Variants in GARNL3 observed in about 807,000 individuals in gnomAD.
GARNL3 encodes the protein GTPase-activating Rap/Ran-GAP domain-like protein 3.
In GARNL3, 63 loss-of-function variants were observed where a neutral mutation model predicts 125.0. The ratio of observed to expected loss-of-function variants is 0.50; its 90% confidence interval spans 0.41 to 0.62. GARNL3 has a LOEUF of 0.62. GARNL3 is among the 20% of genes least tolerant of loss of function. The pLI, the probability that GARNL3 is intolerant of heterozygous loss-of-function variation, is 0.00. For missense variants in GARNL3, 994 were observed against 1,244.0 expected, an observed-to-expected ratio of 0.80 and a Z score of 3.02; for synonymous variants, 439 against 457.5, an observed-to-expected ratio of 0.96 and a Z score of 0.52.
chr9:127,296,439 T>C (rs892804068), intron 2 of GARNL3, among the ~76,000 whole-genome samples: 3 of 150,476 alleles, frequency 2.0e-5, no homozygotes, highest in Non-Finnish European at 4.4e-5. Context: ...GGGGTTTATA[T>C]AGAGGTTTCA....
chr9:127,342,177 A>C, intron 13 of GARNL3, 42 bp from the exon 14 acceptor site: 6 of 1,118,346 alleles, frequency 5.4e-6, no homozygotes, highest in Non-Finnish European at 8.2e-6. Context: ...GTGTGTGTCA[A>C]GAGATATCTT....
chr9:127,321,808 G>C (rs2065413149), intron 6 of GARNL3, among the ~76,000 whole-genome samples: 1 of 152,196 alleles, frequency 6.6e-6, no homozygotes, highest in Non-Finnish European at 1.5e-5. Flanking sequence ...TATCCAGGAG[G>C]CAGCAGGGAG....
intron 1 of GARNL3, among the ~76,000 whole-genome samples, chr9:127,279,784 T>C (rs1448888760): frequency 6.6e-6 from 1 of 152,232 alleles, no homozygotes; most frequent in Non-Finnish European, 1.5e-5. Context: ...TTTGTTTTAC[T>C]TCAAACAAAA....
intron 1 of GARNL3, among the ~76,000 whole-genome samples, chr9:127,275,561 G>A (rs1198110907): frequency 1.3e-5 from 2 of 152,204 alleles, no homozygotes; most frequent in Admixed American, 1.3e-4. Context: ...CCATTCCATG[G>A]GTTAGAAGAG....
At chr9:127,369,285 G>A (rs2131742422) in intron 22 of GARNL3, among the ~76,000 whole-genome samples, 1 of 152,322 alleles carries the variant, frequency 6.6e-6, no homozygotes, top group South Asian at 2.1e-4. Flanking sequence ...GAGCAAGTTT[G>A]AGGAAAAGCT....
chr9:127,380,562 TC>T (rs1190042623), intron 22 of GARNL3, among the ~76,000 whole-genome samples: 1 of 152,080 alleles, frequency 6.6e-6, no homozygotes, highest in Non-Finnish European at 1.5e-5. Context: ...GGTAAGTAGA[TC>T]AACAAAATGT....
chr9:127,253,454 A>G (rs912495566), intron 2 of GARNL3, among the ~76,000 whole-genome samples: 5 of 152,210 alleles, frequency 3.3e-5, no homozygotes, highest in Non-Finnish European at 7.3e-5. Context: ...ACCAGATAGT[A>G]TGTTAGGTGC....
chr9:127,258,152 C>T (rs1004760826), intron 2 of GARNL3, among the ~76,000 whole-genome samples: 2 of 151,976 alleles, frequency 1.3e-5, no homozygotes, highest in African/African-American at 4.8e-5. Flanking sequence ...AACTTAAGAT[C>T]CTGGTACAAG....
At chr9:127,303,490 ATT>A (rs2064860589) in intron 2 of GARNL3, among the ~76,000 whole-genome samples, 1 of 152,196 alleles carries the variant, frequency 6.6e-6, no homozygotes, top group Admixed American at 6.5e-5. Context: ...GTAGTTTCAC[ATT>A]TTTATAATCA....
At chr9:127,324,443 C>T (rs1318298359) in intron 6 of GARNL3, among the ~76,000 whole-genome samples, 4 of 152,106 alleles carry the variant, frequency 2.6e-5, no homozygotes, top group Non-Finnish European at 4.4e-5. Flanking sequence ...CTCCAGCCTC[C>T]GTGCCTCCAT....
chr9:127,349,070 C>A, intron 17 of GARNL3, 35 bp downstream of exon 17: 1 of 1,431,610 alleles, frequency 7.0e-7, no homozygotes, highest in Non-Finnish European at 9.9e-7. Context: ...ATGTCTTTTT[C>A]ATGTAACTTG....
At chr9:127,230,047 G>A (rs1481630845) in intron 1 of GARNL3, among the ~76,000 whole-genome samples, 1 of 152,230 alleles carries the variant, frequency 6.6e-6, no homozygotes, top group African/African-American at 2.4e-5. Context: ...AAACCTGGAT[G>A]CAGTAGAATA....
chr9:127,332,885 G>A (rs1829341014), intron 8 of GARNL3, 138 bp from the exon 9 acceptor site: 2 of 668,090 alleles, frequency 3.0e-6, no homozygotes, highest in Non-Finnish European at 5.4e-6. Context: ...CAAGAAGAAG[G>A]AAATGTGACT....
At chr9:127,279,348 GAT>G (rs1250768146) in intron 1 of GARNL3, among the ~76,000 whole-genome samples, 1 of 151,914 alleles carries the variant, frequency 6.6e-6, no homozygotes, top group East Asian at 1.9e-4. Flanking sequence ...TTATATCTTT[GAT>G]TATTGCTTGT....
chr9:127,335,401 A>G (rs1829495736), intron 10 of GARNL3, 68 bp downstream of exon 10: 1 of 1,213,572 alleles, frequency 8.2e-7, no homozygotes, highest in African/African-American at 1.5e-5. Flanking sequence ...ATGATTCCAT[A>G]GAATTAGGGG....
At chr9:127,246,697 C>G (rs1343658429) in intron 2 of GARNL3, among the ~76,000 whole-genome samples, 1 of 151,966 alleles carries the variant, frequency 6.6e-6, no homozygotes, top group Non-Finnish European at 1.5e-5. Context: ...GTCCCAGCTA[C>G]GTGGGAGGCT....
At chr9:127,284,062 G>T (rs893641169) in intron 1 of GARNL3, among the ~76,000 whole-genome samples, 8 of 152,160 alleles carry the variant, frequency 5.3e-5, no homozygotes, top group African/African-American at 1.9e-4. Flanking sequence ...GTGAGTGTGT[G>T]GCTCTTATGT....
intron 20 of GARNL3, among the ~76,000 whole-genome samples, chr9:127,357,003 G>C (rs777957993): frequency 6.6e-6 from 1 of 152,256 alleles, no homozygotes; most frequent in Non-Finnish European, 1.5e-5. Context: ...CTTTCCAGTA[G>C]ACAGAGGCCT....
chr9:127,287,834 C>T (rs1198588352), intron 1 of GARNL3, among the ~76,000 whole-genome samples: 1 of 152,206 alleles, frequency 6.6e-6, no homozygotes, highest in Non-Finnish European at 1.5e-5. Context: ...TTCACTTTGG[C>T]CTTTCCTTCA....
Sources: allele counts gnomAD v4.1 joint callset (sites outside exome capture counted in the v4.1 genomes callset), GRCh38; gene constraint gnomAD v4.1.1; transcripts MANE v1.5; gene names NCBI Gene and HGNC (gene_info 2026-07-23, HGNC 2026-07-21).